Variants in ZNF133 observed in about 807,000 individuals in gnomAD.
ZNF133 encodes the protein zinc finger protein 133 (clone pHZ-13).
ZNF133 carries 26 observed loss-of-function variants against 54.9 expected under a neutral mutation model. That is an observed-to-expected ratio of 0.47 (90% CI 0.35 to 0.66). The LOEUF (loss-of-function observed/expected upper bound fraction) is 0.66, where lower values mean the gene tolerates loss of function less well. Ranked by LOEUF, ZNF133 falls within the 30% of genes least tolerant of loss-of-function variation. The pLI is 0.01. For missense variants in ZNF133, 653 were observed against 820.8 expected (o/e 0.80, Z 2.50); for synonymous variants, 298 against 320.3 (o/e 0.93, Z 0.74).
intron 6 of ZNF133, chr20:18,306,942 G>A: frequency 4.6e-6 from 1 of 216,568 alleles, no homozygotes; most frequent in Non-Finnish European, 7.8e-6. Flanking sequence ...AAGTTTGCTG[G>A]CCCATGCTCT....
intron 1 of ZNF133, chr20:18,295,409 T>C (rs2042032648): frequency 1.3e-5 from 2 of 152,400 alleles, no homozygotes; most frequent in South Asian, 4.1e-4. Flanking sequence ...ACACTGGTGA[T>C]CAATGTGGTG....
In ZNF133 at chr20:18,305,765, A is replaced by G. The variant is rs202173060; in HGVS notation, c.79A>G (p.Arg27Gly). The G allele has an allele frequency of 6.2e-7, 1 of 1,614,122 alleles. No homozygotes were observed. Among genetic ancestry groups the G allele is most frequent in the Non-Finnish European group, 8.5e-7 (1 of 1,179,980 alleles). ...LLSPAQRTLY[R>G]EVMLENYSNL... ...GAGCCCTGCTCAAAGGACTCTGTAC[A>G]GAGAGGTGATGCTGGAGAACTACAG... The change falls in exon 5 of 7, where the codon AGA becomes GGA. Residue 27 changes from arginine (R) to glycine (G), a missense_variant. Physicochemically the swap from Arg to Gly is moderately radical, Grantham distance 125 (BLOSUM62 -2). Transcript: ENST00000425686. This position sits in a 1 kb window ranked among gnomAD's most constrained non-coding sequence, Gnocchi z 4.7.
intron 6 of ZNF133, chr20:18,306,753 C>T: frequency 2.3e-6 from 3 of 1,323,212 alleles, no homozygotes; most frequent in East Asian, 4.8e-5. Flanking sequence ...AGAAGGCAAG[C>T]CCAGTGGGAG....
In ZNF133 at chr20:18,306,378, C is replaced by G. The variant is rs199780535; in HGVS notation, c.202C>G (p.Pro68Ala). Residue 68 changes from proline to alanine, a missense_variant, in exon 6 of 7, where the codon CCG becomes GCG. Pro to Ala is a conservative substitution (Grantham distance 27). Coordinates refer to ENST00000425686, the MANE Select transcript of ZNF133 (RefSeq NM_001352452.2). Reference protein sequence around the residue: ...ETWREEKKCSPATCPADPEPE... With the variant: ...ETWREEKKCSAATCPADPEPE... Reference sequence around the variant, plus strand: ...CTGGAGAGAGGAAAAAAAATGTTCACCGGCAACCTGTCCAGGTGAGTGGGA... The same window carrying G: ...CTGGAGAGAGGAAAAAAAATGTTCAGCGGCAACCTGTCCAGGTGAGTGGGA... 166 of 1,613,424 alleles carry G rather than the reference C, an allele frequency of 1.0e-4. No individual in the cohort carries two copies. Among genetic ancestry groups the G allele is most frequent in the Non-Finnish European group, 1.3e-4 (157 of 1,179,702 alleles).
chr20:18,315,302 G>A lies in ZNF133; in HGVS notation c.451G>A (p.Ala151Thr), dbSNP rs756298561. ...AGCAGAAGGTCCTGAGGGAGAAGGTGCCATGCCTTTGTTTGGAAGAACCAA... is the reference window on the plus strand; with the variant it reads ...AGCAGAAGGTCCTGAGGGAGAAGGTACCATGCCTTTGTTTGGAAGAACCAA... ...DQAEGPEGEG[A>T]MPLFGRTKKR... Residue 151 changes from alanine (A) to threonine (T), a missense_variant, in exon 7 of 7, where the codon GCC (alanine) becomes ACC (threonine). Ala to Thr is a moderately conservative substitution (Grantham distance 58). This residue lies in a region of ZNF133 where 227 missense variants were observed against 233.9 expected (regional missense o/e 0.97). Coordinates refer to ENST00000425686, the MANE Select transcript of ZNF133 (RefSeq NM_001352452.2). The A allele has an allele frequency of 1.2e-6, 2 of 1,614,120 alleles. No homozygotes were observed. Among genetic ancestry groups the A allele is most frequent in the East Asian group, 4.5e-5 (2 of 44,874 alleles).
intron 1 of ZNF133, among the ~76,000 whole-genome samples, chr20:18,294,273 C>T (rs1343268220): frequency 2.0e-5 from 3 of 152,130 alleles, no homozygotes; most frequent in Non-Finnish European, 4.4e-5. Flanking sequence ...CATGAAAAAA[C>T]ATCGGACAAA....
intron 1 of ZNF133, 21 bp downstream of exon 1, chr20:18,288,625 A>G (rs994825666): frequency 8.8e-5 from 35 of 398,378 alleles, no homozygotes; most frequent in African/African-American, 7.0e-4. Flanking sequence ...CTCCCGCGGG[A>G]CCCTTGCCGC....
At position 18,304,237 on chromosome 20, in the gene ZNF133, T is replaced by TA. The variant is rs771385082; in HGVS notation, c.-177-763dup. Reference sequence around the variant, plus strand: ...ATACCAATTAGTATGGCTATTACTTTAAAAAAAACCCAAAACTAGAAAGCA... The same window carrying TA: ...ATACCAATTAGTATGGCTATTACTTTAAAAAAAAACCCAAAACTAGAAAGCA... On this transcript the variant is annotated intron_variant, in intron 3 of 6. Coordinates refer to ENST00000425686, the MANE Select transcript of ZNF133 (RefSeq NM_001352452.2). 2.0e-4 allele frequency among the ~76,000 whole-genome samples: 31 copies of TA among 152,114 alleles called. No homozygotes were observed. The East Asian group carries it at 2.7e-3, about 13-fold the overall frequency.
chr20:18,288,829 C>T, intron 1 of ZNF133, among the ~76,000 whole-genome samples: 1 of 152,114 alleles, frequency 6.6e-6, no homozygotes, highest in East Asian at 1.9e-4. Flanking sequence ...TGAAGCCCAT[C>T]CGTGAAACTG....
At chr20:18,292,744 C>T (rs2041329224) in intron 1 of ZNF133, among the ~76,000 whole-genome samples, 1 of 152,144 alleles carries the variant, frequency 6.6e-6, no homozygotes, top group African/African-American at 2.4e-5. Context: ...AGATTTTTGT[C>T]TTTGTTCACT....
chr20:18,303,158 T>A (rs2043794136), intron 3 of ZNF133, among the ~76,000 whole-genome samples: 1 of 152,012 alleles, frequency 6.6e-6, no homozygotes, highest in Non-Finnish European at 1.5e-5. Flanking sequence ...GCAATTCTCC[T>A]GCCTCAGCCT....
chr20:18,306,172 C>G, intron 5 of ZNF133, 126 bp from the exon 6 acceptor site: 1 of 820,798 alleles, frequency 1.2e-6, no homozygotes, highest in Non-Finnish European at 1.9e-6. Context: ...TCTGAGAGCC[C>G]CACTCACCTC....
intron 6 of ZNF133, chr20:18,310,081 A>G (rs1268511641): frequency 6.0e-6 from 7 of 1,171,618 alleles, no homozygotes; most frequent in Admixed American, 7.7e-5. Context: ...CAAAACATTT[A>G]TATTAATAAC....
chr20:18,303,994 T>TG (rs2044031136), intron 3 of ZNF133, among the ~76,000 whole-genome samples: 1 of 152,208 alleles, frequency 6.6e-6, no homozygotes, highest in Non-Finnish European at 1.5e-5. Flanking sequence ...GGAATATATT[T>TG]GCAAGTCACA....
chr20:18,304,962 G>A, intron 3 of ZNF133, 46 bp from the exon 4 acceptor site: 1 of 980,292 alleles, frequency 1.0e-6, no homozygotes, highest in Non-Finnish European at 1.2e-6. Context: ...CCAAGACCAA[G>A]TTGCCATGCC....
intron 3 of ZNF133, 31 bp downstream of exon 3, chr20:18,298,495 T>G: frequency 4.7e-6 from 1 of 214,048 alleles, no homozygotes; most frequent in South Asian, 1.4e-4. Context: ...GCTCTTAGTA[T>G]AGTAGCAGCT....
Position 18,293,045 on chromosome 20 carries a change from A to G in ZNF133, c.-432+4441A>G, listed in dbSNP as rs569143347. On this transcript the variant is annotated intron_variant, in intron 1 of 6. Transcript: ENST00000425686. Reference sequence around the variant, plus strand: ...TGGGACTGAGTAAGTGCCATGGATGACAGGAAGATGCTTCTGTTATCAGGT... The same window carrying G: ...TGGGACTGAGTAAGTGCCATGGATGGCAGGAAGATGCTTCTGTTATCAGGT... Among the ~76,000 whole-genome samples, 53 of 152,356 alleles carry G rather than the reference A, an allele frequency of 3.5e-4. 1 individual carries two copies. The South Asian group carries it at 6.0e-3, about 17-fold the overall frequency.
At position 18,316,851 on chromosome 20, in the gene ZNF133, T is replaced by C. The variant is rs1266648849; in HGVS notation, c.*35T>C. On this transcript the variant is annotated 3_prime_UTR_variant, in exon 7 of 7. Transcript: ENST00000425686. ...TGGGGACAAGGACTAAGAGTCAGAA[T>C]GTTGACACTTTGATGAAATGGAGTA... 2 of 1,550,436 alleles carry C rather than the reference T, an allele frequency of 1.3e-6. No homozygotes were observed. The highest frequency in any genetic ancestry group is 2.5e-5 in the South Asian group (2 of 81,290).
At position 18,315,829 on chromosome 20, in the gene ZNF133, C is replaced by T. The variant is rs1050475; in HGVS notation, c.978C>T (p.Tyr326=). The T allele has an allele frequency of 0.075, 120,811 of 1,611,184 alleles. 5,092 individuals carry two copies. Among genetic ancestry groups the T allele is most frequent in the Middle Eastern group, 0.13 (775 of 6,050 alleles). Residue 326 remains tyrosine, a synonymous_variant, in exon 7 of 7, where the codon TAC becomes TAT. Coordinates refer to ENST00000425686, the MANE Select transcript of ZNF133 (RefSeq NM_001352452.2). ...HQRTHSGEKP[Y]VCRECGKGFS... Reference sequence around the variant, plus strand: ...GGACACACTCAGGGGAAAAGCCTTACGTGTGCCGGGAATGTGGCAAAGGCT... The same window carrying T: ...GGACACACTCAGGGGAAAAGCCTTATGTGTGCCGGGAATGTGGCAAAGGCT...
Sources: gnomAD v4.1 joint callset for allele counts (sites outside exome capture counted in the v4.1 genomes callset) on GRCh38, gnomAD v4.1.1 for gene constraint, gnomAD v4.1.1 regional missense constraint, Gnocchi (gnomAD v3.1) non-coding constraint, MANE v1.5 for transcripts, NCBI Gene and HGNC (gene_info 2026-07-23, HGNC 2026-07-21) for gene names.